LRP1B: variants seen among roughly 807,000 people sequenced by gnomAD.
The protein encoded by LRP1B is LDL receptor related protein 1B, also known as low-density lipoprotein receptor-related protein 1B.
A neutral mutation model predicts 556.6 loss-of-function variants in LRP1B; 217 were observed. That is an observed-to-expected ratio of 0.39 (90% CI 0.35 to 0.44). The LOEUF (loss-of-function observed/expected upper bound fraction) is 0.44, where lower values mean the gene tolerates loss of function less well. Ranked by LOEUF, LRP1B falls within the 20% of genes least tolerant of loss-of-function variation. The pLI, the probability that LRP1B is intolerant of heterozygous loss-of-function variation, is 1.00. For synonymous variants in LRP1B, 2,047 were observed against 1,865.8 expected (o/e 1.10, Z -2.50); for missense variants, 5,053 against 5,620.8 (o/e 0.90, Z 3.23).
At chr2:140,821,980 CAG>C (rs1274889640) in intron 31 of LRP1B, among the ~76,000 whole-genome samples, 1 of 147,938 alleles carries the variant, frequency 6.8e-6, no homozygotes, top group Non-Finnish European at 1.5e-5. Flanking sequence ...GCCTGGGCGA[CAG>C]AGTGAGACTC....
chr2:141,396,464 T>C (rs936354513), intron 3 of LRP1B, among the ~76,000 whole-genome samples: 2 of 152,168 alleles, frequency 1.3e-5, no homozygotes, highest in African/African-American at 4.8e-5. Flanking sequence ...ATTGCTACAA[T>C]TAATGAAACA....
intron 77 of LRP1B, among the ~76,000 whole-genome samples, chr2:140,349,023 T>A (rs1399578092): frequency 6.6e-6 from 1 of 152,022 alleles, no homozygotes; most frequent in Non-Finnish European, 1.5e-5. Context: ...CATGCACAGT[T>A]CACAATAGGG....
intron 1 of LRP1B, among the ~76,000 whole-genome samples, chr2:142,079,809 CTCTT>C (rs1411861362): frequency 2.6e-5 from 4 of 152,164 alleles, no homozygotes; most frequent in African/African-American, 9.7e-5. Flanking sequence ...TGCGCCCAGC[CTCTT>C]TCTTAAAATA....
chr2:140,953,257 T>C (rs930240068), intron 18 of LRP1B, among the ~76,000 whole-genome samples: 2 of 151,932 alleles, frequency 1.3e-5, no homozygotes, highest in African/African-American at 2.4e-5. Context: ...TGCAGGCTAA[T>C]TTTTTGTATT....
intron 43 of LRP1B, among the ~76,000 whole-genome samples, chr2:140,568,816 T>C (rs940052045): frequency 6.6e-6 from 1 of 151,960 alleles, no homozygotes; most frequent in Non-Finnish European, 1.5e-5. Flanking sequence ...CAGGAAATAA[T>C]GTAAAGGTTT....
At chr2:140,534,393 G>A (rs1008496521) in intron 46 of LRP1B, among the ~76,000 whole-genome samples, 1 of 152,058 alleles carries the variant, frequency 6.6e-6, no homozygotes, top group African/African-American at 2.4e-5. Flanking sequence ...TTATACCCAC[G>A]TTATTGTTTC....
intron 2 of LRP1B, among the ~76,000 whole-genome samples, chr2:141,581,469 A>G (rs946326562): frequency 6.6e-6 from 1 of 152,182 alleles, no homozygotes; most frequent in Non-Finnish European, 1.5e-5. Context: ...TAAAATCTTT[A>G]AAGTAATGAC....
intron 86 of LRP1B, among the ~76,000 whole-genome samples, chr2:140,247,815 C>A (rs1235380477): frequency 1.3e-5 from 2 of 151,498 alleles, no homozygotes; most frequent in African/African-American, 2.4e-5. Flanking sequence ...GATTAAAAGC[C>A]ATTATTTAAA....
intron 82 of LRP1B, among the ~76,000 whole-genome samples, chr2:140,315,880 A>T (rs1160991449): frequency 6.6e-6 from 1 of 152,110 alleles, no homozygotes; most frequent in Non-Finnish European, 1.5e-5. Flanking sequence ...AATCTCCCAA[A>T]CTAAAAGTCA....
intron 2 of LRP1B, among the ~76,000 whole-genome samples, chr2:141,571,934 G>C (rs572597851): frequency 1.3e-5 from 2 of 152,220 alleles, no homozygotes; most frequent in South Asian, 4.1e-4. Flanking sequence ...GACTTCATAA[G>C]AAGACTGAAC....
intron 7 of LRP1B, among the ~76,000 whole-genome samples, chr2:141,107,366 G>A (rs1700631803): frequency 6.6e-6 from 1 of 152,102 alleles, no homozygotes; most frequent in Non-Finnish European, 1.5e-5. Context: ...ACTATATTTA[G>A]GCTGGGCACG....
intron 1 of LRP1B, among the ~76,000 whole-genome samples, chr2:142,073,854 C>T (rs559986006): frequency 2.0e-5 from 3 of 151,974 alleles, no homozygotes; most frequent in South Asian, 2.1e-4. Context: ...GCTCCAGCCA[C>T]GTGCACTGCT....
intron 2 of LRP1B, among the ~76,000 whole-genome samples, chr2:141,700,914 C>G (rs1691919338): frequency 6.6e-6 from 1 of 151,774 alleles, no homozygotes; most frequent in Admixed American, 6.6e-5. Flanking sequence ...CTTCAAATTT[C>G]CTTCTGATGT....
intron 49 of LRP1B, among the ~76,000 whole-genome samples, chr2:140,521,240 C>A (rs1420893682): frequency 6.6e-6 from 1 of 151,978 alleles, no homozygotes; most frequent in Non-Finnish European, 1.5e-5. Flanking sequence ...CCCCAAGGCA[C>A]AGCACACGGT....
rs80315482 is a variant in LRP1B at position 140,629,538 on chromosome 2, G to T, written c.6800-27899C>A. ...TTGTAACAGAAAAGTATTTTAAACTGCCTGAGTCCAGTACATAAAAATGTG... is the reference window on the plus strand; with the variant it reads ...TTGTAACAGAAAAGTATTTTAAACTTCCTGAGTCCAGTACATAAAAATGTG... On this transcript the variant is annotated intron_variant, in intron 41 of 90. Coordinates refer to ENST00000389484, the MANE Select transcript of LRP1B (RefSeq NM_018557.3). 4.4e-3 allele frequency among the ~76,000 whole-genome samples: 671 copies of T among 152,240 alleles called. 4 individuals carry two copies. Among genetic ancestry groups the T allele is most frequent in the Non-Finnish European group, 6.7e-3 (458 of 68,020 alleles).
intron 76 of LRP1B, among the ~76,000 whole-genome samples, chr2:140,352,411 T>C (rs1682006436): frequency 1.3e-5 from 2 of 152,134 alleles, no homozygotes; most frequent in African/African-American, 4.8e-5. Flanking sequence ...CCTGATCTCG[T>C]GATCCACTCG....
intron 3 of LRP1B, among the ~76,000 whole-genome samples, chr2:141,308,381 C>T (rs1299547300): frequency 2.6e-5 from 4 of 152,094 alleles, no homozygotes; most frequent in African/African-American, 9.7e-5. Flanking sequence ...ATGCTCATAA[C>T]AGTTTGAATT....
At chr2:142,022,544 C>A (rs1207872210) in intron 1 of LRP1B, among the ~76,000 whole-genome samples, 1 of 152,146 alleles carries the variant, frequency 6.6e-6, no homozygotes, top group African/African-American at 2.4e-5. Flanking sequence ...TTGGAGATTT[C>A]TGTCACTGCA....
chr2:140,583,310 G>A (rs945432048), intron 43 of LRP1B, among the ~76,000 whole-genome samples: 1 of 151,380 alleles, frequency 6.6e-6, no homozygotes. Context: ...AAATAGCTGG[G>A]ATTACAGGCG....
Sources: gnomAD v4.1 joint callset for allele counts (sites outside exome capture counted in the v4.1 genomes callset) on GRCh38, gnomAD v4.1.1 for gene constraint, MANE v1.5 for transcripts, NCBI Gene and HGNC (gene_info 2026-07-23, HGNC 2026-07-21) for gene names.